Variants in LCK observed in about 807,000 individuals in gnomAD.
The protein encoded by LCK is tyrosine-protein kinase Lck.
Under a neutral mutation model 64.6 loss-of-function variants are expected in LCK, and 14 were observed. The observed-to-expected ratio is 0.22, with a 90% CI of 0.14 to 0.34. The LOEUF is 0.34. LCK is among the 10% of genes least tolerant of loss of function. The pLI is 1.00. For synonymous variants in LCK, 277 were observed against 263.6 expected, an observed-to-expected ratio of 1.05 and a Z score of -0.49; for missense variants, 434 against 668.1, an observed-to-expected ratio of 0.65 and a Z score of 3.86.
At position 32,275,397 on chromosome 1, in the gene LCK, G is replaced by T. The variant is rs1441550050; in HGVS notation, c.355G>T (p.Ala119Ser). The T allele has an allele frequency of 6.2e-6, 10 of 1,614,042 alleles. No individual in the cohort carries two copies. Among genetic ancestry groups the T allele is most frequent in the Non-Finnish European group, 8.5e-6 (10 of 1,180,030 alleles). The change falls in exon 5 of 13, where the codon GCG becomes TCG. Residue 119 changes from alanine (A) to serine (S), a missense_variant. Transcript: ENST00000336890. The surrounding 1 kb of genome is among the most constrained non-coding windows in gnomAD (Gnocchi z 6.9). ...GFIPFNFVAK[A>S]NSLEPEPWFF... ...CATCCCCTTCAATTTTGTGGCCAAA[G>T]CGAACAGCCTGGAGCCCGAACCGTA...
At chr1:32,273,337 G>A (rs1329676454) in intron 1 of LCK, among the ~76,000 whole-genome samples, 1 of 148,346 alleles carries the variant, frequency 6.7e-6, no homozygotes, top group Non-Finnish European at 1.5e-5. Flanking sequence ...GGTGGGATAG[G>A]GGGTGCCTCT....
At chr1:32,254,510 T>G (rs115273139) in intron 1 of LCK, among the ~76,000 whole-genome samples, 1,660 of 151,822 alleles carry the variant, frequency 0.011, 29 homozygotes, top group African/African-American at 0.038. Context: ...TTTTTTGGTT[T>G]GTTTGTTTTT....
chr1:32,254,395 C>T (rs553875384), intron 1 of LCK, among the ~76,000 whole-genome samples: 1 of 152,304 alleles, frequency 6.6e-6, no homozygotes, highest in Admixed American at 6.5e-5. Flanking sequence ...TGGTGCATGT[C>T]TGTAAACCTC....
chr1:32,280,269 A>G, intron 12 of LCK, 59 bp downstream of exon 12: 4 of 1,599,036 alleles, frequency 2.5e-6, no homozygotes, highest in Non-Finnish European at 3.4e-6. Context: ...ATGTCTTCCC[A>G]TTCAATTCTT....
chr1:32,273,711 G>C (rs1279965458), intron 1 of LCK, among the ~76,000 whole-genome samples: 1 of 152,096 alleles, frequency 6.6e-6, no homozygotes, highest in East Asian at 1.9e-4. Context: ...AAAAGTTATG[G>C]CCAACAGAGT....
At chr1:32,285,086 T>C (rs1168873054) in intron 12 of LCK, among the ~76,000 whole-genome samples, 1 of 152,066 alleles carries the variant, frequency 6.6e-6, no homozygotes, top group East Asian at 1.9e-4. Flanking sequence ...GCGGATCACC[T>C]GAGGTCAGGA....
chr1:32,274,674 AG>A, intron 2 of LCK, 62 bp from the exon 3 acceptor site: 1 of 1,338,674 alleles, frequency 7.5e-7, no homozygotes, highest in Non-Finnish European at 1.0e-6. Context: ...GCAGGGGGGA[AG>A]GGGGCCAGGG....
chr1:32,279,651 A>G lies in LCK; in HGVS notation c.965-20A>G. ...CCCCCTGGGGCAACTTGGGCCAGCA[A>G]CTCTTGCTTCTGCCCACAGGGAGTC... On this transcript the variant is annotated intron_variant, in intron 9 of 12. Transcript: ENST00000336890. 10 of 1,613,708 alleles carry G rather than the reference A, an allele frequency of 6.2e-6. No individual in the cohort carries two copies. The highest frequency in any genetic ancestry group is 8.5e-6 in the Non-Finnish European group (10 of 1,179,794).
In LCK at chr1:32,275,816, G is replaced by C; in HGVS notation, c.482-98G>C. On this transcript the variant is annotated intron_variant, in intron 6 of 12. Transcript: ENST00000336890. This position sits in a 1 kb window ranked among gnomAD's most constrained non-coding sequence, Gnocchi z 6.9. ...CCGAGGTGGGGGCGCGGGATGACCCGGAGTTGGGGGTGCTGGGTGAGCCCA... is the reference window on the plus strand; with the variant it reads ...CCGAGGTGGGGGCGCGGGATGACCCCGAGTTGGGGGTGCTGGGTGAGCCCA... 6.8e-7 allele frequency: 1 copy of C among 1,478,506 alleles called. No homozygotes were observed. The highest frequency in any genetic ancestry group is 9.2e-7 in the Non-Finnish European group (1 of 1,088,402). The allele number at this position is 1,478,506 out of a possible 1,614,324, so 91.6% of individuals were successfully genotyped here. A position where few individuals can be genotyped will look rare whatever the true frequency, so the allele number is the denominator to read the frequency against.
At chr1:32,255,033 G>A (rs763321327) in intron 1 of LCK, among the ~76,000 whole-genome samples, 2 of 151,938 alleles carry the variant, frequency 1.3e-5, no homozygotes, top group Non-Finnish European at 2.9e-5. Flanking sequence ...ACAGTAAGAG[G>A]CATATAAAGA....
chr1:32,273,177 G>T (rs1640157658), intron 1 of LCK, among the ~76,000 whole-genome samples: 1 of 144,334 alleles, frequency 6.9e-6, no homozygotes, highest in South Asian at 2.3e-4. Flanking sequence ...GGGGGCACTT[G>T]TGGAGGGTGA....
intron 1 of LCK, among the ~76,000 whole-genome samples, chr1:32,266,820 C>T (rs1354216331): frequency 2.7e-5 from 2 of 73,074 alleles, no homozygotes; most frequent in African/African-American, 1.3e-4. Context: ...TCCCCCTCCC[C>T]TTCCCCCTCC....
chr1:32,280,258 C>T (rs1430244467), intron 12 of LCK, 48 bp downstream of exon 12: 2 of 1,604,824 alleles, frequency 1.2e-6, no homozygotes, highest in Non-Finnish European at 1.7e-6. Context: ...AGGGCAAGTC[C>T]ATGTCTTCCC....
intron 1 of LCK, among the ~76,000 whole-genome samples, chr1:32,262,082 C>T (rs1399357793): frequency 5.4e-5 from 8 of 147,776 alleles, no homozygotes; most frequent in African/African-American, 2.0e-4. Flanking sequence ...TGGGGTTTCA[C>T]CATGTTGGCC....
At chr1:32,274,876 T>C (rs776258142) in intron 3 of LCK, 58 bp downstream of exon 3, 1 of 1,613,830 alleles carries the variant, frequency 6.2e-7, no homozygotes, top group Non-Finnish European at 8.5e-7. Flanking sequence ...GCTGTTGGCT[T>C]CCACCTCTCC....
intron 1 of LCK, among the ~76,000 whole-genome samples, chr1:32,255,224 T>C (rs990058406): frequency 2.0e-5 from 3 of 152,138 alleles, no homozygotes; most frequent in African/African-American, 4.8e-5. Flanking sequence ...ATTTGTTTGT[T>C]ATGAGGCCTC....
At chr1:32,262,843 T>A (rs1251080243) in intron 1 of LCK, among the ~76,000 whole-genome samples, 1 of 136,292 alleles carries the variant, frequency 7.3e-6, no homozygotes, top group Non-Finnish European at 1.5e-5. Context: ...TCTCATTGTC[T>A]GAAAGAAAGA....
At chr1:32,253,326 C>T (rs577252756) in intron 1 of LCK, among the ~76,000 whole-genome samples, 46 of 152,152 alleles carry the variant, frequency 3.0e-4, no homozygotes, top group Non-Finnish European at 5.9e-4. Context: ...CGAGTCATTG[C>T]ACTCCAGCCT....
At chr1:32,274,638 A>T in intron 2 of LCK, 99 bp from the exon 3 acceptor site, 2 of 1,078,082 alleles carry the variant, frequency 1.9e-6, no homozygotes, top group Non-Finnish European at 2.7e-6. Flanking sequence ...ATAACATCTA[A>T]CCAGGCTGGA....
Sources: allele counts gnomAD v4.1 joint callset (sites outside exome capture counted in the v4.1 genomes callset), GRCh38; gene constraint gnomAD v4.1.1; non-coding constraint Gnocchi (gnomAD v3.1); transcripts MANE v1.5; gene names NCBI Gene and HGNC (gene_info 2026-07-23, HGNC 2026-07-21).